ROBO2: variants seen among roughly 807,000 people sequenced by gnomAD.
The protein encoded by ROBO2 is roundabout guidance receptor 2.
In ROBO2, 53 loss-of-function variants were observed where a neutral mutation model predicts 160.8. The observed-to-expected ratio is 0.33, with a 90% confidence interval of 0.26 to 0.41. The LOEUF (loss-of-function observed/expected upper bound fraction) is 0.41, where lower values mean the gene tolerates loss of function less well. Among genes scored for constraint, ROBO2 ranks in the 10% least tolerant of loss-of-function variants. The pLI is 1.00. For synonymous variants in ROBO2, 664 were observed against 611.7 expected (o/e 1.09, Z -1.26); for missense variants, 1,577 against 1,722.4 (o/e 0.92, Z 1.49).
intron 2 of ROBO2, among the ~76,000 whole-genome samples, chr3:75,957,248 A>AAC (rs74280410): frequency 0.45 from 66,701 of 149,272 alleles, 14,818 homozygotes; most frequent in Non-Finnish European, 0.48. Flanking sequence ...ACACACACAA[A>AAC]ACACACACAC....
chr3:77,543,102 T>C (rs2092547461), intron 6 of ROBO2, among the ~76,000 whole-genome samples: 1 of 152,144 alleles, frequency 6.6e-6, no homozygotes, highest in Non-Finnish European at 1.5e-5. Flanking sequence ...AGTCAGCTCT[T>C]AGTTGTCCTC....
At chr3:76,144,167 G>A (rs2071797045) in intron 2 of ROBO2, among the ~76,000 whole-genome samples, 1 of 151,854 alleles carries the variant, frequency 6.6e-6, no homozygotes, top group Non-Finnish European at 1.5e-5. Context: ...CAAGGGGCGA[G>A]GAAGTCAAAG....
At chr3:76,193,043 C>T (rs1186686485) in intron 2 of ROBO2, among the ~76,000 whole-genome samples, 1 of 152,110 alleles carries the variant, frequency 6.6e-6, no homozygotes, top group African/African-American at 2.4e-5. Flanking sequence ...GGGTCATTCT[C>T]TCTCATGGAA....
At chr3:77,203,211 A>G (rs1279196833) in intron 2 of ROBO2, among the ~76,000 whole-genome samples, 1 of 152,228 alleles carries the variant, frequency 6.6e-6, no homozygotes, top group African/African-American at 2.4e-5. Context: ...TAATTGTGTG[A>G]AGGATTTATG....
intron 2 of ROBO2, among the ~76,000 whole-genome samples, chr3:76,062,260 T>C (rs2068092663): frequency 6.6e-6 from 1 of 152,168 alleles, no homozygotes. Flanking sequence ...ATTTAAATAT[T>C]AATAAGATAA....
intron 1 of ROBO2, among the ~76,000 whole-genome samples, chr3:77,044,582 G>A (rs2064447298): frequency 6.6e-6 from 1 of 151,664 alleles, no homozygotes; most frequent in Non-Finnish European, 1.5e-5. Context: ...AGGAATTAGA[G>A]AAACACTTGA....
rs2075254104 is a variant in ROBO2 at position 77,396,058 on chromosome 3, C to A, written c.389-81356C>A. On this transcript the variant is annotated intron_variant, in intron 2 of 25. Coordinates refer to ENST00000461745, the Ensembl canonical transcript of ROBO2. ...TTCAAATGAGTTTTTAAAATTATATCCAAGAAACTTAAAAAAAAAAAGAAA... is the reference window on the plus strand; with the variant it reads ...TTCAAATGAGTTTTTAAAATTATATACAAGAAACTTAAAAAAAAAAAGAAA... Among the ~76,000 whole-genome samples the A allele has an allele frequency of 2.7e-5, 4 of 150,942 alleles. No homozygotes were observed. In the South Asian group the frequency reaches 8.3e-4, roughly 31 times the overall value.
chr3:77,513,828 A>C (rs1005209265), intron 5 of ROBO2, among the ~76,000 whole-genome samples: 1 of 151,742 alleles, frequency 6.6e-6, no homozygotes. Context: ...CACGTTGTCC[A>C]GGGGCCAAAT....
At chr3:76,889,282 AAAG>A (rs2074157042) in intron 2 of ROBO2, among the ~76,000 whole-genome samples, 1 of 152,232 alleles carries the variant, frequency 6.6e-6, no homozygotes, top group South Asian at 2.1e-4. Context: ...AACTCATAAA[AAAG>A]AGATTCAAAA....
intron 2 of ROBO2, among the ~76,000 whole-genome samples, chr3:76,338,715 ATAAAT>A (rs1338689338): frequency 6.7e-6 from 1 of 149,872 alleles, no homozygotes; most frequent in Non-Finnish European, 1.5e-5. Flanking sequence ...CTTATTAATT[ATAAAT>A]TAATATTATA....
At chr3:76,413,737 G>T (rs2075613803) in intron 2 of ROBO2, among the ~76,000 whole-genome samples, 1 of 152,118 alleles carries the variant, frequency 6.6e-6, no homozygotes, top group Non-Finnish European at 1.5e-5. Context: ...TCTCTAGGAA[G>T]TTTAAAACTT....
At chr3:77,140,949 AT>A (rs2076654049) in intron 2 of ROBO2, among the ~76,000 whole-genome samples, 1 of 152,156 alleles carries the variant, frequency 6.6e-6, no homozygotes, top group Admixed American at 6.5e-5. Context: ...CAAAATTTTT[AT>A]TTACTGCATT....
At chr3:76,631,730 AAAAAC>A (rs2090044538) in intron 2 of ROBO2, among the ~76,000 whole-genome samples, 1 of 152,148 alleles carries the variant, frequency 6.6e-6, no homozygotes, top group Non-Finnish European at 1.5e-5. Flanking sequence ...AGGGCATTGG[AAAAAC>A]CACAATTATT....
intron 2 of ROBO2, among the ~76,000 whole-genome samples, chr3:76,509,874 C>T (rs936318834): frequency 5.9e-5 from 9 of 152,044 alleles, no homozygotes; most frequent in Non-Finnish European, 1.2e-4. Flanking sequence ...CAAAATTATA[C>T]GACGAGTAGA....
intron 2 of ROBO2, among the ~76,000 whole-genome samples, chr3:76,053,383 G>GT (rs2067718960): frequency 6.6e-6 from 1 of 152,062 alleles, no homozygotes; most frequent in Admixed American, 6.5e-5. Flanking sequence ...TGTAAAAACA[G>GT]TTAAAAATGC....
intron 2 of ROBO2, among the ~76,000 whole-genome samples, chr3:76,081,627 A>C (rs2068834511): frequency 6.6e-6 from 1 of 152,134 alleles, no homozygotes; most frequent in Non-Finnish European, 1.5e-5. Flanking sequence ...TCCTACAGAG[A>C]AATTTTCCAT....
At chr3:76,479,885 G>A (rs894321850) in intron 2 of ROBO2, among the ~76,000 whole-genome samples, 2 of 152,116 alleles carry the variant, frequency 1.3e-5, no homozygotes, top group African/African-American at 2.4e-5. Flanking sequence ...GCAACCATAC[G>A]GGCTCTGCTG....
chr3:75,930,471 A>G (rs966726676), intron 1 of ROBO2, among the ~76,000 whole-genome samples: 13 of 152,028 alleles, frequency 8.6e-5, no homozygotes, highest in African/African-American at 2.2e-4. Context: ...ATTTGTTTCT[A>G]TTTCTCTTCC....
At chr3:76,613,849 G>C (rs1435215292) in intron 2 of ROBO2, among the ~76,000 whole-genome samples, 1 of 151,912 alleles carries the variant, frequency 6.6e-6, no homozygotes, top group African/African-American at 2.4e-5. Flanking sequence ...TAAGAACTTG[G>C]ATTCATGTCT....
Sources: gnomAD v4.1 joint callset for allele counts (sites outside exome capture counted in the v4.1 genomes callset) on GRCh38, gnomAD v4.1.1 for gene constraint, MANE v1.5 for transcripts, NCBI Gene and HGNC (gene_info 2026-07-23, HGNC 2026-07-21) for gene names.